NBPF9: variants seen among roughly 807,000 people sequenced by gnomAD.
The protein encoded by NBPF9 is NBPF family member NBPF9.
In NBPF9, 91 loss-of-function variants were observed where a neutral mutation model predicts 97.8. The observed-to-expected ratio is 0.93, with a 90% CI of 0.79 to 1.11. The LOEUF (loss-of-function observed/expected upper bound fraction) is 1.11. Among genes scored for constraint, NBPF9 ranks in the 50% least tolerant of loss-of-function variants. The pLI, the probability that NBPF9 is intolerant of heterozygous loss-of-function variation, is 0.00. For missense variants in NBPF9, 992 were observed against 939.5 expected, an observed-to-expected ratio of 1.06 and a Z score of -0.73; for synonymous variants, 334 against 359.5, an observed-to-expected ratio of 0.93 and a Z score of 0.80.
chr1:149,088,794 G>A (rs1309707270), intron 5 of NBPF9, among the ~76,000 whole-genome samples: 13 of 152,140 alleles, frequency 8.5e-5, no homozygotes, highest in South Asian at 2.1e-4. Context: ...TGAGGCAGGC[G>A]GATCACACTT....
At chr1:149,089,552 A>G (rs2081277311) in intron 5 of NBPF9, among the ~76,000 whole-genome samples, 1 of 152,412 alleles carries the variant, frequency 6.6e-6, no homozygotes, top group South Asian at 2.1e-4. Context: ...GGCATAAGAC[A>G]GGATGGAAAT....
chr1:149,059,260 C>T lies in NBPF9; in HGVS notation c.2586-163G>A. 8.6e-6 allele frequency: 4 copies of T among 465,466 alleles called. 1 individual carries two copies. In the South Asian group the frequency reaches 9.4e-5, roughly 11 times the overall value. 28.8% of individuals were successfully genotyped at this position (465,466 alleles called of 1,614,324 possible). A position where few individuals can be genotyped will look rare whatever the true frequency, so the allele number is the denominator to read the frequency against. On this transcript the variant is annotated intron_variant, in intron 25 of 29. Coordinates refer to ENST00000584027, the Ensembl canonical transcript of NBPF9. ...CCTTTAGGTTGGGATAGACCAGGGC[C>T]AGGTAGAAAAGAATGAAAGAGAAAG...
chr1:149,072,684 G>A, intron 14 of NBPF9, 34 bp downstream of exon 14: 1 of 1,610,236 alleles, frequency 6.2e-7, no homozygotes, highest in Non-Finnish European at 8.5e-7. Context: ...ATAAGCCTGG[G>A]GTTTTGGGTC....
At chr1:149,103,117 A>G (rs1439562145) in intron 1 of NBPF9, among the ~76,000 whole-genome samples, 184 bp downstream of exon 1, 2 of 151,982 alleles carry the variant, frequency 1.3e-5, no homozygotes, top group Non-Finnish European at 2.9e-5. Context: ...CGGCAGCGGC[A>G]AGCGAGGAAT....
intron 17 of NBPF9, among the ~76,000 whole-genome samples, chr1:149,067,320 A>C (rs1392443316): frequency 8.3e-6 from 1 of 120,790 alleles, no homozygotes; most frequent in Non-Finnish European, 1.8e-5. Context: ...ATATATATAT[A>C]TTTTTAATAC....
Position 149,058,722 on chromosome 1 carries a change from T to C in NBPF9, c.2758+203A>G, listed in dbSNP as rs1409260560. ...GGTTGCCACAGGCATGGCTGGAGAC[T>C]AGGAATAGAGCCTTGCTCACTGACC... On this transcript the variant is annotated intron_variant, in intron 26 of 29. Coordinates refer to ENST00000584027, the Ensembl canonical transcript of NBPF9. 1.4e-5 allele frequency: 6 copies of C among 435,816 alleles called. No individual in the cohort carries two copies. In the African/African-American group the frequency reaches 1.8e-4, roughly 13 times the overall value. The allele number at this position is 435,816 out of a possible 1,614,324, so 27.0% of individuals were successfully genotyped here. A position where few individuals can be genotyped will look rare whatever the true frequency, so the allele number is the denominator to read the frequency against.
At chr1:149,061,105 A>C in intron 23 of NBPF9, 1 of 407,440 alleles carries the variant, frequency 2.5e-6, no homozygotes, top group Non-Finnish European at 4.5e-6. Flanking sequence ...CCATGAGAAT[A>C]GAGTTTTTGA....
At chr1:149,070,808 T>A in intron 16 of NBPF9, 126 bp downstream of exon 16, 1 of 1,484,376 alleles carries the variant, frequency 6.7e-7, no homozygotes, top group Non-Finnish European at 9.3e-7. Context: ...AAAAACTCCC[T>A]GATATCTGTT....
chr1:149,067,818 A>G (rs2079127366), intron 17 of NBPF9, among the ~76,000 whole-genome samples: 1 of 144,906 alleles, frequency 6.9e-6, no homozygotes, highest in African/African-American at 2.7e-5. Flanking sequence ...TCCTTTGGGT[A>G]TACACCCAGT....
Position 149,061,591 on chromosome 1 carries a change from T to A in NBPF9, c.2252-208A>T, listed in dbSNP as rs879228462. ...CAAGGGTGAAATATCCCCATTCTGGTAGATCGTTATCCCAAAATCATTTAT... is the reference window on the plus strand; with the variant it reads ...CAAGGGTGAAATATCCCCATTCTGGAAGATCGTTATCCCAAAATCATTTAT... On this transcript the variant is annotated intron_variant, in intron 22 of 29. Transcript: ENST00000584027. 3 of 301,568 alleles carry A rather than the reference T, an allele frequency of 9.9e-6. 1 individual carries two copies. Among genetic ancestry groups the A allele is most frequent in the East Asian group, 6.2e-5 (1 of 16,182 alleles). The allele number at this position is 301,568 out of a possible 1,614,324, so 18.7% of individuals were successfully genotyped here. A position where few individuals can be genotyped will look rare whatever the true frequency, so the allele number is the denominator to read the frequency against.
At chr1:149,074,622 C>G (rs1172687791) in intron 12 of NBPF9, among the ~76,000 whole-genome samples, 1 of 151,064 alleles carries the variant, frequency 6.6e-6, no homozygotes, top group African/African-American at 2.4e-5. Context: ...ACAGACAAGA[C>G]AAGCAACTTG....
At chr1:149,078,891 A>G (rs1274367638) in intron 9 of NBPF9, 116 bp downstream of exon 9, 1 of 1,587,920 alleles carries the variant, frequency 6.3e-7, no homozygotes, top group East Asian at 2.2e-5. Flanking sequence ...TGTCATGGCC[A>G]CATATGTGTA....
In NBPF9 at chr1:149,073,012, A is replaced by G. The variant is rs3979909; in HGVS notation, c.1092-80T>C. The G allele has an allele frequency of 1.9e-5, 28 of 1,510,488 alleles. 1 individual carries two copies. The Admixed American group carries it at 2.5e-4, about 14-fold the overall frequency. The allele number at this position is 1,510,488 out of a possible 1,614,324, so 93.6% of individuals were successfully genotyped here. ...CAAATATTGCAACAGAGATTTCTGA[A>G]ACAGTGTCCTCAAGGAGACCTCGAA... On this transcript the variant is annotated intron_variant, in intron 13 of 29. Transcript: ENST00000584027.
chr1:149,089,651 T>C (rs1324705600), intron 5 of NBPF9, among the ~76,000 whole-genome samples: 1 of 152,308 alleles, frequency 6.6e-6, no homozygotes, highest in African/African-American at 2.4e-5. Flanking sequence ...GTGACACTAA[T>C]ATCCCCAAGT....
intron 8 of NBPF9, among the ~76,000 whole-genome samples, chr1:149,079,487 T>C (rs2080216763): frequency 6.6e-6 from 1 of 151,028 alleles, no homozygotes; most frequent in Non-Finnish European, 1.5e-5. Context: ...TCTTCCTAAT[T>C]CCCTTTCAGA....
chr1:149,078,917 A>G (rs1171181514), intron 9 of NBPF9, 90 bp downstream of exon 9: 1 of 1,573,812 alleles, frequency 6.4e-7, no homozygotes, highest in Admixed American at 1.7e-5. Flanking sequence ...AAAAAACCCC[A>G]CTGATACAAC....
chr1:149,070,471 G>C (rs587638245), intron 16 of NBPF9, among the ~76,000 whole-genome samples: 10 of 151,950 alleles, frequency 6.6e-5, no homozygotes, highest in African/African-American at 1.9e-4. Flanking sequence ...CCTGATTTCA[G>C]GGTGACTGTG....
chr1:149,102,936 T>A (rs1462292178), intron 1 of NBPF9, 89 bp from the exon 2 acceptor site: 49 of 151,068 alleles, frequency 3.2e-4, no homozygotes, highest in Non-Finnish European at 6.3e-4. Context: ...GCTTCTCAGG[T>A]CCCCAGAGGC....
intron 18 of NBPF9, chr1:149,064,873 T>G (rs1553651302): frequency 1.9e-6 from 1 of 525,548 alleles, no homozygotes; most frequent in Non-Finnish European, 3.4e-6. Context: ...GACACAGAGA[T>G]TTGATGAGGG....
Sources: allele counts gnomAD v4.1 joint callset (sites outside exome capture counted in the v4.1 genomes callset), GRCh38; gene constraint gnomAD v4.1.1; transcripts MANE v1.5; gene names NCBI Gene and HGNC (gene_info 2026-07-23, HGNC 2026-07-21).